DNAJA3: variants seen among roughly 807,000 people sequenced by gnomAD.
DNAJA3 encodes DnaJ heat shock protein family (Hsp40) member A3.
In DNAJA3, 29 loss-of-function variants were observed where a neutral mutation model predicts 54.9. That is an observed-to-expected ratio of 0.53 (90% CI 0.39 to 0.72). The LOEUF is 0.72. Ranked by LOEUF, DNAJA3 falls within the 30% of genes least tolerant of loss-of-function variation. DNAJA3 has a pLI of 0.00. For missense variants in DNAJA3, 708 were observed against 639.4 expected, an observed-to-expected ratio of 1.11 and a Z score of -1.16; for synonymous variants, 302 against 251.4, an observed-to-expected ratio of 1.20 and a Z score of -1.90.
intron 2 of DNAJA3, among the ~76,000 whole-genome samples, chr16:4,435,064 T>C (rs901852931): frequency 9.9e-5 from 15 of 151,636 alleles, no homozygotes; most frequent in Admixed American, 3.3e-4. Context: ...ACCCGGCTAA[T>C]TTTTTTTGTA....
At chr16:4,454,682 C>T (rs970823995) in intron 10 of DNAJA3, 129 bp from the exon 11 acceptor site, 25 of 647,190 alleles carry the variant, frequency 3.9e-5, no homozygotes, top group Non-Finnish European at 6.3e-5. Context: ...CCCCACTCTT[C>T]TTGAGGTGGC....
At chr16:4,445,918 T>C (rs948458760) in intron 7 of DNAJA3, among the ~76,000 whole-genome samples, 1 of 148,966 alleles carries the variant, frequency 6.7e-6, no homozygotes, top group Non-Finnish European at 1.5e-5. Context: ...TACTCTTCCC[T>C]TTTTTTTCTT....
chr16:4,435,087 A>T (rs1349200867), intron 2 of DNAJA3, among the ~76,000 whole-genome samples: 1 of 150,968 alleles, frequency 6.6e-6, no homozygotes, highest in Non-Finnish European at 1.5e-5. Flanking sequence ...TTTAGTAGAG[A>T]CGCGGTTTCA....
At chr16:4,428,007 A>G (rs890321553) in intron 1 of DNAJA3, among the ~76,000 whole-genome samples, 3 of 151,570 alleles carry the variant, frequency 2.0e-5, no homozygotes, top group South Asian at 2.1e-4. Context: ...GCTGGAGTGC[A>G]GTGGCGCTAT....
rs1160441789 is a variant in DNAJA3, at chr16:4,456,317, A to G, written c.*785A>G. 1 of 152,350 alleles carries G rather than the reference A, an allele frequency of 6.6e-6. No individual in the cohort carries two copies. 9.4% of individuals were successfully genotyped at this position (152,350 alleles called of 1,614,324 possible). A position where few individuals can be genotyped will look rare whatever the true frequency, so the allele number is the denominator to read the frequency against. On this transcript the variant is annotated 3_prime_UTR_variant, in exon 12 of 12. Transcript: ENST00000262375. ...CTGCCCTTCTGCTGAGCCACAGCCC[A>G]TTGCAGCACTGTGCTGGCCAGACTT...
Position 4,451,752 on chromosome 16 carries a change from G to GGGAA in DNAJA3, c.1339+1255_1339+1256insGGAA, listed in dbSNP as rs1555488543. ...AGCTTGGGTGACAGTGAGACTCTCT[G>GGGAA]AAAAAAAAAAAAAAAAAAAAAAAAA... is the stretch of plus-strand genomic sequence containing the variant. On this transcript the variant is annotated intron_variant, in intron 10 of 11. Transcript: ENST00000262375. Among the ~76,000 whole-genome samples the GGGAA allele has an allele frequency of 1.6e-3, 67 of 41,864 alleles. 1 individual carries two copies. The highest frequency in any genetic ancestry group is 7.6e-3 in the African/African-American group (64 of 8,466). The allele number at this position is 41,864 out of a possible 152,430, so 27.5% of individuals were successfully genotyped here.
intron 8 of DNAJA3, chr16:4,447,801 C>A (rs901304357): frequency 1.4e-5 from 2 of 144,354 alleles, no homozygotes; most frequent in African/African-American, 4.9e-5. Context: ...GCCCAGAAAC[C>A]CAAGTGGTGG....
At chr16:4,428,882 ATTTTTTTTTT>A (rs766170292) in intron 1 of DNAJA3, among the ~76,000 whole-genome samples, 3 of 108,462 alleles carry the variant, frequency 2.8e-5, no homozygotes, top group South Asian at 3.0e-4. Context: ...CTACAAAAAG[ATTTTTTTTTT>A]TTTTTTTTTT....
rs2056631757 is a variant in DNAJA3 at position 4,426,953 on chromosome 16, T to C, written c.211+861T>C. 2.0e-5 allele frequency: 3 copies of C among 152,170 alleles called. 1 individual carries two copies. The South Asian group carries it at 6.2e-4, about 32-fold the overall frequency. 9.4% of individuals were successfully genotyped at this position (152,170 alleles called of 1,614,324 possible). A position where few individuals can be genotyped will look rare whatever the true frequency, so the allele number is the denominator to read the frequency against. On this transcript the variant is annotated intron_variant, in intron 1 of 11. Transcript: ENST00000262375. ...TTTTTTTTGAAACTGAATCTTGCTC[T>C]GTTGCCCAGGCCGGAGTGCAGTGGC...
intron 1 of DNAJA3, among the ~76,000 whole-genome samples, chr16:4,432,996 G>T (rs1183679733): frequency 6.6e-6 from 1 of 150,574 alleles, no homozygotes; most frequent in African/African-American, 2.4e-5. Flanking sequence ...GAAAAAATTA[G>T]CCGAGTGTGG....
chr16:4,442,384 G>A lies in DNAJA3; in HGVS notation c.747G>A (p.Lys249=). 6.2e-7 allele frequency: 1 copy of A among 1,608,732 alleles called. No individual in the cohort carries two copies. The highest frequency in any genetic ancestry group is 8.5e-7 in the Non-Finnish European group (1 of 1,177,372). ...GCAAGGGGAACGAGCCCGGCACCAAGGTGCAGCATTGCCACTACTGTGGCG... is the reference window on the plus strand; with the variant it reads ...GCAAGGGGAACGAGCCCGGCACCAAAGTGCAGCATTGCCACTACTGTGGCG... ...CNGKGNEPGT[K]VQHCHYCGGS... Residue 249 remains lysine (K), a synonymous_variant, in exon 5 of 12, where the codon AAG becomes AAA. Transcript: ENST00000262375.
intron 5 of DNAJA3, 21 bp from the exon 6 acceptor site, chr16:4,442,996 C>T (rs775606869): frequency 6.2e-6 from 10 of 1,610,422 alleles, no homozygotes; most frequent in Non-Finnish European, 8.5e-6. Context: ...CTTAGGTTAC[C>T]ATTTTTCTTG....
At chr16:4,452,108 T>TGTA (rs1491223922) in intron 10 of DNAJA3, among the ~76,000 whole-genome samples, 3 of 152,000 alleles carry the variant, frequency 2.0e-5, no homozygotes. Flanking sequence ...CACAAAACTC[T>TGTA]GTAGCCCAAC....
chr16:4,455,593 G>C lies in DNAJA3; in HGVS notation c.*61G>C. The C allele has an allele frequency of 6.4e-7, 1 of 1,551,722 alleles. No individual in the cohort carries two copies. Among genetic ancestry groups the C allele is most frequent in the Non-Finnish European group, 8.7e-7 (1 of 1,146,946 alleles). ...GGCCGGGAAGCAGCAGCCCCTCCAA[G>C]GGCCAGGGCACCTGGGAGACGGGAG... On this transcript the variant is annotated 3_prime_UTR_variant, in exon 12 of 12. Transcript: ENST00000262375.
intron 2 of DNAJA3, among the ~76,000 whole-genome samples, chr16:4,436,602 C>A (rs1301065284): frequency 6.6e-6 from 1 of 152,094 alleles, no homozygotes; most frequent in Non-Finnish European, 1.5e-5. Context: ...GTGGTGCAGT[C>A]TTGGCTCACT....
At chr16:4,440,288 A>T (rs945653386) in intron 3 of DNAJA3, 6 of 151,760 alleles carry the variant, frequency 4.0e-5, no homozygotes, top group African/African-American at 7.3e-5. Flanking sequence ...ACAAACACAT[A>T]AAAAAAAGAT....
intron 10 of DNAJA3, among the ~76,000 whole-genome samples, chr16:4,451,129 C>T (rs2056973211): frequency 6.6e-6 from 1 of 152,196 alleles, no homozygotes; most frequent in Non-Finnish European, 1.5e-5. Flanking sequence ...ACCCCAGCTG[C>T]AGCCCCTCTT....
intron 8 of DNAJA3, among the ~76,000 whole-genome samples, chr16:4,448,347 A>G (rs1005765827): frequency 2.8e-5 from 4 of 143,808 alleles, no homozygotes; most frequent in African/African-American, 1.1e-4. Context: ...CACCCCCTCC[A>G]CCACCGCTCT....
chr16:4,454,064 G>A (rs1320627438), intron 10 of DNAJA3, among the ~76,000 whole-genome samples: 1 of 152,190 alleles, frequency 6.6e-6, no homozygotes, highest in Admixed American at 6.6e-5. Flanking sequence ...TTGCAGCACA[G>A]CTTCCCTAGG....
Sources: allele counts gnomAD v4.1 joint callset (sites outside exome capture counted in the v4.1 genomes callset), GRCh38; gene constraint gnomAD v4.1.1; transcripts MANE v1.5; gene names NCBI Gene and HGNC (gene_info 2026-07-23, HGNC 2026-07-21).